Variants in TTC23 observed in about 807,000 individuals in gnomAD.
TTC23 encodes the protein tetratricopeptide repeat protein 23.
TTC23 carries 58 observed loss-of-function variants against 55.1 expected under a neutral mutation model. The ratio of observed to expected loss-of-function variants is 1.05; its 90% CI spans 0.85 to 1.31. The LOEUF (loss-of-function observed/expected upper bound fraction) is 1.31, where lower values mean the gene tolerates loss of function less well. Ranked by LOEUF, TTC23 falls within the 50% of genes most tolerant of loss-of-function variation. The pLI is 0.00. For synonymous variants in TTC23, 203 were observed against 199.9 expected (o/e 1.02, Z -0.13); for missense variants, 516 against 534.4 (o/e 0.97, Z 0.34).
chr15:99,189,966 C>T (rs896070338), intron 9 of TTC23, among the ~76,000 whole-genome samples: 2 of 151,956 alleles, frequency 1.3e-5, no homozygotes, highest in Non-Finnish European at 2.9e-5. Context: ...TGCTTGAGCC[C>T]AAGAGTTTGA....
At chr15:99,210,037 T>C (rs1488402248) in intron 8 of TTC23, among the ~76,000 whole-genome samples, 1 of 152,192 alleles carries the variant, frequency 6.6e-6, no homozygotes, top group African/African-American at 2.4e-5. Context: ...ATTACAGGTG[T>C]AAGTCACTGT....
intron 3 of TTC23, among the ~76,000 whole-genome samples, chr15:99,237,809 T>C (rs1046541317): frequency 3.3e-5 from 5 of 152,176 alleles, no homozygotes; most frequent in African/African-American, 1.2e-4. Context: ...TAGCAAATTG[T>C]ATACTTTTAT....
chr15:99,239,355 T>C (rs537287136), intron 3 of TTC23, among the ~76,000 whole-genome samples: 1 of 152,096 alleles, frequency 6.6e-6, no homozygotes, highest in South Asian at 2.1e-4. Context: ...TGTGGTGGCA[T>C]GTGCCTGTAG....
chr15:99,144,471 C>T (rs1555492007), intron 12 of TTC23: 1 of 152,232 alleles, frequency 6.6e-6, no homozygotes, highest in African/African-American at 2.4e-5. Flanking sequence ...TAGCAGCATC[C>T]TGCAGAAGTA....
In TTC23 at chr15:99,204,281, T is replaced by C. The variant is rs186468544; in HGVS notation, c.582-4185A>G. 2.0e-5 allele frequency among the ~76,000 whole-genome samples: 3 copies of C among 152,342 alleles called. No homozygotes were observed. The East Asian group carries it at 5.8e-4, about 29-fold the overall frequency. On this transcript the variant is annotated intron_variant, in intron 8 of 13. Transcript: ENST00000394132. ...TTCATATACTTGTTGGTCATTTGCA[T>C]GTCTTCTTTTGAGAAATGTCTATTC...
intron 8 of TTC23, among the ~76,000 whole-genome samples, chr15:99,208,622 T>TGGA (rs2076804733): frequency 6.6e-6 from 1 of 152,110 alleles, no homozygotes; most frequent in African/African-American, 2.4e-5. Flanking sequence ...CAGCCAGAAA[T>TGGA]GGAGGCTATC....
intron 12 of TTC23, among the ~76,000 whole-genome samples, chr15:99,153,780 GTAGAGAA>G (rs1457904933): frequency 1.3e-5 from 2 of 152,104 alleles, no homozygotes; most frequent in Non-Finnish European, 2.9e-5. Flanking sequence ...AATTAAGGAA[GTAGAGAA>G]TAGGATTTAT....
intron 10 of TTC23, among the ~76,000 whole-genome samples, chr15:99,163,366 G>C (rs1164527677): frequency 2.0e-5 from 3 of 152,204 alleles, no homozygotes; most frequent in Non-Finnish European, 4.4e-5. Flanking sequence ...CCAGAAAACA[G>C]GGACTTCAGT....
chr15:99,163,443 C>T (rs571437381), intron 10 of TTC23, among the ~76,000 whole-genome samples: 1 of 152,326 alleles, frequency 6.6e-6, no homozygotes, highest in East Asian at 1.9e-4. Context: ...CCCCAACCTC[C>T]AGTTGAGAGT....
chr15:99,222,407 G>A (rs191779260), intron 5 of TTC23, among the ~76,000 whole-genome samples: 32 of 152,244 alleles, frequency 2.1e-4, no homozygotes, highest in Admixed American at 1.0e-3. Context: ...CTCCTGAGCA[G>A]CTGGGACCAC....
chr15:99,158,371 G>C (rs951140355), intron 11 of TTC23: 1 of 152,234 alleles, frequency 6.6e-6, no homozygotes, highest in East Asian at 1.9e-4. Flanking sequence ...CCCAGATAAA[G>C]CTTTGGATGC....
At chr15:99,206,381 T>C (rs960184066) in intron 8 of TTC23, among the ~76,000 whole-genome samples, 13 of 152,202 alleles carry the variant, frequency 8.5e-5, no homozygotes, top group African/African-American at 7.2e-5. Flanking sequence ...TTATGTAGGA[T>C]TGATATTAGT....
chr15:99,229,371 C>T (rs1422567558), intron 4 of TTC23, among the ~76,000 whole-genome samples: 3 of 152,282 alleles, frequency 2.0e-5, no homozygotes, highest in Non-Finnish European at 4.4e-5. Context: ...AAGGATAAAA[C>T]AACGGTTTCA....
chr15:99,152,689 C>T (rs557100012), intron 12 of TTC23, among the ~76,000 whole-genome samples: 15 of 152,166 alleles, frequency 9.9e-5, no homozygotes, highest in Non-Finnish European at 2.1e-4. Context: ...TTCTTTATAG[C>T]AATGCAAGAA....
intron 5 of TTC23, among the ~76,000 whole-genome samples, chr15:99,227,049 G>T (rs2078505740): frequency 6.6e-6 from 1 of 152,188 alleles, no homozygotes; most frequent in Admixed American, 6.5e-5. Flanking sequence ...GGGCATGAGG[G>T]CTTAATTCTT....
intron 9 of TTC23, among the ~76,000 whole-genome samples, chr15:99,195,867 TAAA>T (rs35219461): frequency 1.8e-3 from 259 of 143,816 alleles, no homozygotes; most frequent in South Asian, 2.5e-3. Flanking sequence ...CTAAAACTGC[TAAA>T]AAAAAAAAAA....
intron 9 of TTC23, among the ~76,000 whole-genome samples, chr15:99,192,954 C>G (rs750415048): frequency 5.9e-5 from 9 of 152,230 alleles, no homozygotes; most frequent in Non-Finnish European, 1.3e-4. Context: ...CATGGAGTCA[C>G]AGGAGATCAT....
intron 8 of TTC23, among the ~76,000 whole-genome samples, chr15:99,203,578 C>T (rs1032269748): frequency 2.0e-5 from 3 of 152,018 alleles, no homozygotes; most frequent in Admixed American, 6.6e-5. Context: ...TCCCATTATT[C>T]ACCTGTATTT....
At chr15:99,175,466 G>A (rs921502434) in intron 9 of TTC23, among the ~76,000 whole-genome samples, 1 of 152,242 alleles carries the variant, frequency 6.6e-6, no homozygotes, top group Non-Finnish European at 1.5e-5. Flanking sequence ...AAGAAGTAAA[G>A]AGATGAATAG....
Sources: gnomAD v4.1 joint callset for allele counts (sites outside exome capture counted in the v4.1 genomes callset) on GRCh38, gnomAD v4.1.1 for gene constraint, MANE v1.5 for transcripts, NCBI Gene and HGNC (gene_info 2026-07-23, HGNC 2026-07-21) for gene names.